The following HDAC9 variants were observed in gnomAD, a reference collection of about 807,000 sequenced individuals.
The protein encoded by HDAC9 is MEF-2 interacting transcription repressor (MITR) protein.
A neutral mutation model predicts 139.4 loss-of-function variants in HDAC9; 41 were observed. The ratio of observed to expected loss-of-function variants is 0.29; its 90% confidence interval spans 0.23 to 0.38. The LOEUF (loss-of-function observed/expected upper bound fraction) is 0.38. Ranked by LOEUF, HDAC9 falls within the 10% of genes least tolerant of loss-of-function variation. The pLI is 1.00. For synonymous variants in HDAC9, 517 were observed against 476.2 expected, an observed-to-expected ratio of 1.09 and a Z score of -1.12; for missense variants, 1,147 against 1,297.0, an observed-to-expected ratio of 0.88 and a Z score of 1.78.
chr7:18,438,932 G>A (rs1302501068), intron 1 of HDAC9, among the ~76,000 whole-genome samples: 1 of 151,874 alleles, frequency 6.6e-6, no homozygotes, highest in Admixed American at 6.6e-5. Flanking sequence ...AACAGTTAAG[G>A]GCATCAGAGA....
At chr7:18,249,822 C>A (rs1262385318) in intron 2 of HDAC9, among the ~76,000 whole-genome samples, 2 of 152,152 alleles carry the variant, frequency 1.3e-5, no homozygotes, top group Admixed American at 6.5e-5. Context: ...ATAGGTTATA[C>A]TCCCCTGCAG....
chr7:18,862,892 T>C (rs1798220983), intron 21 of HDAC9, among the ~76,000 whole-genome samples: 1 of 152,214 alleles, frequency 6.6e-6, no homozygotes, highest in Non-Finnish European at 1.5e-5. Context: ...CCGTATCATA[T>C]ATATGTCACA....
At chr7:18,932,848 A>AAAAGAAAAG (rs1554405268) in intron 22 of HDAC9, among the ~76,000 whole-genome samples, 1 of 138,204 alleles carries the variant, frequency 7.2e-6, no homozygotes, top group Non-Finnish European at 1.5e-5. Flanking sequence ...AGGAAGGAAA[A>AAAAGAAAAG]AAAGAAAGAA....
At chr7:18,090,160 G>C (rs573367280) in intron 1 of HDAC9, among the ~76,000 whole-genome samples, 1 of 152,150 alleles carries the variant, frequency 6.6e-6, no homozygotes, top group African/African-American at 2.4e-5. Flanking sequence ...GAGGCGGCAG[G>C]TACACTGATA....
intron 1 of HDAC9, among the ~76,000 whole-genome samples, chr7:18,110,238 CT>C (rs1215097945): frequency 1.3e-5 from 2 of 152,066 alleles, no homozygotes; most frequent in Admixed American, 1.3e-4. Flanking sequence ...TGTGTTTGTC[CT>C]TTTGGTAGAT....
At chr7:18,105,211 T>G (rs376215125) in intron 1 of HDAC9, among the ~76,000 whole-genome samples, 510 of 8,434 alleles carry the variant, frequency 0.06, 24 homozygotes, top group Non-Finnish European at 0.11. Context: ...GGATTTCATC[T>G]ACATCTAGGA....
chr7:18,477,516 C>A (rs1386351946), intron 1 of HDAC9, among the ~76,000 whole-genome samples: 1 of 152,020 alleles, frequency 6.6e-6, no homozygotes, highest in African/African-American at 2.4e-5. Context: ...TAAATTAAGG[C>A]CAAATTGTTT....
chr7:18,333,525 C>T (rs1781362166), intron 1 of HDAC9, among the ~76,000 whole-genome samples: 1 of 151,364 alleles, frequency 6.6e-6, no homozygotes, highest in African/African-American at 2.4e-5. Flanking sequence ...CTCAAATACA[C>T]ACCATGAAAT....
intron 13 of HDAC9, among the ~76,000 whole-genome samples, chr7:18,733,914 G>C (rs1554340239): frequency 2.6e-5 from 4 of 151,972 alleles, no homozygotes; most frequent in Non-Finnish European, 5.9e-5. Context: ...TTCTTTTCTG[G>C]AGATAAGACA....
intron 25 of HDAC9, among the ~76,000 whole-genome samples, chr7:18,986,849 C>A (rs1345726132): frequency 6.6e-6 from 1 of 152,150 alleles, no homozygotes; most frequent in South Asian, 2.1e-4. Context: ...AATGGGAGTT[C>A]ACTCATGATT....
At chr7:18,670,093 G>T (rs932632559) in intron 12 of HDAC9, among the ~76,000 whole-genome samples, 4 of 151,808 alleles carry the variant, frequency 2.6e-5, no homozygotes, top group African/African-American at 9.7e-5. Flanking sequence ...AATAATTGAA[G>T]TGTACAATTT....
intron 22 of HDAC9, among the ~76,000 whole-genome samples, chr7:18,929,537 C>A (rs1281259317): frequency 6.6e-6 from 1 of 152,068 alleles, no homozygotes; most frequent in Non-Finnish European, 1.5e-5. Flanking sequence ...TTTAAAACAA[C>A]CAGGCTACAT....
chr7:18,624,310 C>G (rs1033444816), intron 6 of HDAC9, among the ~76,000 whole-genome samples: 1 of 151,994 alleles, frequency 6.6e-6, no homozygotes, highest in Non-Finnish European at 1.5e-5. Context: ...TTTTCTGTTT[C>G]CTTTTATTGA....
intron 24 of HDAC9, 187 bp downstream of exon 24, chr7:18,954,417 G>C (rs1463708405): frequency 1.8e-5 from 9 of 494,896 alleles, no homozygotes; most frequent in South Asian, 6.5e-5. Flanking sequence ...AAAACGTAGA[G>C]ACTCTAGATT....
At chr7:18,887,578 C>A (rs1050684081) in intron 22 of HDAC9, among the ~76,000 whole-genome samples, 3 of 152,124 alleles carry the variant, frequency 2.0e-5, no homozygotes, top group African/African-American at 7.2e-5. Context: ...AAATGTGACA[C>A]TCTACATATA....
chr7:18,545,112 C>T (rs566324525), intron 2 of HDAC9, among the ~76,000 whole-genome samples: 3 of 152,228 alleles, frequency 2.0e-5, no homozygotes, highest in Non-Finnish European at 2.9e-5. Context: ...AGAAATCCTG[C>T]ACTAAACGTA....
intron 24 of HDAC9, among the ~76,000 whole-genome samples, chr7:18,966,430 C>T (rs950894777): frequency 1.3e-5 from 2 of 152,032 alleles, no homozygotes; most frequent in South Asian, 2.1e-4. Context: ...GGTCGGGAGC[C>T]GGTGGCTCAC....
At chr7:18,191,957 C>G (rs17138758) in intron 2 of HDAC9, among the ~76,000 whole-genome samples, 5,561 of 152,242 alleles carry the variant, frequency 0.037, 161 homozygotes, top group East Asian at 0.15. Context: ...TACGTGCTTT[C>G]TAAGCTATGA....
chr7:18,800,482 T>C (rs1793193660), intron 17 of HDAC9, among the ~76,000 whole-genome samples: 1 of 152,238 alleles, frequency 6.6e-6, no homozygotes, highest in South Asian at 2.1e-4. Flanking sequence ...TATTTGTTTC[T>C]GAGCATATGT....
Sources: gnomAD v4.1 joint callset for allele counts (sites outside exome capture counted in the v4.1 genomes callset) on GRCh38, gnomAD v4.1.1 for gene constraint, MANE v1.5 for transcripts, NCBI Gene and HGNC (gene_info 2026-07-23, HGNC 2026-07-21) for gene names.